SDK1: variants seen among roughly 807,000 people sequenced by gnomAD.
SDK1 encodes sidekick cell adhesion molecule 1, also known as protein sidekick-1.
A neutral mutation model predicts 245.5 loss-of-function variants in SDK1; 157 were observed. The ratio of observed to expected loss-of-function variants is 0.64; its 90% confidence interval spans 0.56 to 0.73. The LOEUF (loss-of-function observed/expected upper bound fraction) is 0.73. Among genes scored for constraint, SDK1 ranks in the 30% least tolerant of loss-of-function variants. The pLI, the probability that SDK1 is intolerant of heterozygous loss-of-function variation, is 0.00. For synonymous variants in SDK1, 1,647 were observed against 1,278.5 expected, an observed-to-expected ratio of 1.29 and a Z score of -6.15; for missense variants, 3,583 against 3,002.3, an observed-to-expected ratio of 1.19 and a Z score of -4.52.
At chr7:3,492,944 T>G (rs1781907900) in intron 1 of SDK1, among the ~76,000 whole-genome samples, 1 of 152,150 alleles carries the variant, frequency 6.6e-6, no homozygotes, top group African/African-American at 2.4e-5. Flanking sequence ...AAGATTTATT[T>G]TATTTTTTTA....
At chr7:3,907,302 C>T (rs967142985) in intron 5 of SDK1, among the ~76,000 whole-genome samples, 3 of 152,180 alleles carry the variant, frequency 2.0e-5, no homozygotes, top group Non-Finnish European at 2.9e-5. Context: ...CCTCCCCTTT[C>T]GCCACTGGTA....
chr7:3,737,799 A>C (rs1213160918), intron 4 of SDK1, among the ~76,000 whole-genome samples: 2 of 152,224 alleles, frequency 1.3e-5, no homozygotes, highest in East Asian at 3.9e-4. Flanking sequence ...TGTCCACCTT[A>C]GGCTCTCTTT....
At chr7:3,940,461 C>T (rs1240137998) in intron 5 of SDK1, among the ~76,000 whole-genome samples, 1 of 152,186 alleles carries the variant, frequency 6.6e-6, no homozygotes, top group South Asian at 2.1e-4. Context: ...AAGACAATAG[C>T]TTCCCGTTTT....
chr7:3,517,984 A>G (rs67540761), intron 1 of SDK1, among the ~76,000 whole-genome samples: 39,858 of 151,920 alleles, frequency 0.26, 5,424 homozygotes, highest in East Asian at 0.34. Flanking sequence ...CTCTCTCTTT[A>G]GTGGAGAAGC....
chr7:4,066,734 G>A (rs1341739056), intron 19 of SDK1, among the ~76,000 whole-genome samples: 1 of 152,164 alleles, frequency 6.6e-6, no homozygotes, highest in Admixed American at 6.5e-5. Context: ...GCTGGTGCAA[G>A]AGATGTGGGT....
At chr7:3,367,239 G>T (rs969164503) in intron 1 of SDK1, among the ~76,000 whole-genome samples, 3 of 151,772 alleles carry the variant, frequency 2.0e-5, no homozygotes, top group Admixed American at 6.6e-5. Flanking sequence ...ATTTGTCATC[G>T]TTGTAATTTC....
intron 5 of SDK1, among the ~76,000 whole-genome samples, chr7:3,857,483 G>A (rs1165354647): frequency 6.6e-6 from 1 of 152,012 alleles, no homozygotes; most frequent in Non-Finnish European, 1.5e-5. Flanking sequence ...AGGAGTTCAA[G>A]ACCAGCCTTG....
rs376271210 is a variant in SDK1 at position 4,064,305 on chromosome 7, C to T, written c.2912-3533C>T. Among the ~76,000 whole-genome samples, 106 of 152,158 alleles carry T rather than the reference C, an allele frequency of 7.0e-4. 2 individuals are homozygous for T. In the South Asian group the frequency reaches 0.018, roughly 26 times the overall value. On this transcript the variant is annotated intron_variant, in intron 19 of 44. Coordinates refer to ENST00000404826, the MANE Select transcript of SDK1 (RefSeq NM_152744.4). ...CAAAAGCAGACATACAGATGGTCAA[C>T]GTGTCTATGAAAAAATGCCCAGTAT...
intron 14 of SDK1, among the ~76,000 whole-genome samples, chr7:4,006,423 C>T (rs1285136684): frequency 6.6e-6 from 1 of 152,198 alleles, no homozygotes; most frequent in Non-Finnish European, 1.5e-5. Flanking sequence ...TCTTCTACCT[C>T]CCAGCCTCCA....
intron 44 of SDK1, among the ~76,000 whole-genome samples, chr7:4,248,046 C>T (rs1003938668): frequency 2.6e-5 from 4 of 152,242 alleles, no homozygotes; most frequent in Admixed American, 2.0e-4. Flanking sequence ...GTCTGTTTCT[C>T]CCCCCAACAT....
In SDK1 at chr7:4,000,226, G is replaced by C. The variant is rs139007094; in HGVS notation, c.2132-10740G>C. On this transcript the variant is annotated intron_variant, in intron 14 of 44. Transcript: ENST00000404826. ...GGAAGAGCATCTGTGAGCTTGACTA[G>C]AGCATGCTGAGGCTGAGATGATGTT... Among the ~76,000 whole-genome samples the C allele has an allele frequency of 7.2e-5, 11 of 152,334 alleles. 1 individual carries two copies. Among genetic ancestry groups the C allele is most frequent in the African/African-American group, 2.6e-4 (11 of 41,590 alleles).
chr7:3,568,561 T>C (rs988907791), intron 1 of SDK1, among the ~76,000 whole-genome samples: 4 of 152,234 alleles, frequency 2.6e-5, no homozygotes, highest in African/African-American at 9.6e-5. Flanking sequence ...TTGTGCTCTC[T>C]TCTGGGAAAT....
intron 1 of SDK1, among the ~76,000 whole-genome samples, chr7:3,469,657 C>T (rs868466700): frequency 2.0e-5 from 3 of 152,178 alleles, no homozygotes; most frequent in Non-Finnish European, 1.5e-5. Flanking sequence ...TTGTATTCTC[C>T]ATCTAACGTC....
intron 17 of SDK1, among the ~76,000 whole-genome samples, chr7:4,023,386 GTGAACTTTC>G (rs1787087164): frequency 6.6e-6 from 1 of 152,154 alleles, no homozygotes; most frequent in South Asian, 2.1e-4. Flanking sequence ...TTTCAGCCAA[GTGAACTTTC>G]TGAGGGGTGA....
At chr7:3,475,155 T>C (rs1433528033) in intron 1 of SDK1, among the ~76,000 whole-genome samples, 1 of 152,336 alleles carries the variant, frequency 6.6e-6, no homozygotes, top group East Asian at 1.9e-4. Flanking sequence ...CTCTCCCTTA[T>C]GTAGAAGCTG....
intron 1 of SDK1, among the ~76,000 whole-genome samples, chr7:3,435,273 G>T (rs1478127004): frequency 5.5e-5 from 8 of 144,934 alleles, no homozygotes; most frequent in Non-Finnish European, 9.0e-5. Flanking sequence ...ATTCCAGTGT[G>T]ATCACCAAAT....
At chr7:3,598,146 A>G (rs1045999005) in intron 1 of SDK1, among the ~76,000 whole-genome samples, 1 of 152,154 alleles carries the variant, frequency 6.6e-6, no homozygotes, top group African/African-American at 2.4e-5. Flanking sequence ...CTGATGTCAA[A>G]TGATGTTGAG....
chr7:3,982,005 G>A (rs886942980), intron 13 of SDK1, among the ~76,000 whole-genome samples: 1 of 152,190 alleles, frequency 6.6e-6, no homozygotes, highest in African/African-American at 2.4e-5. Context: ...CCTAGTTACG[G>A]AGGAGAAATC....
chr7:3,826,261 G>A (rs1779772480), intron 5 of SDK1, among the ~76,000 whole-genome samples: 1 of 152,176 alleles, frequency 6.6e-6, no homozygotes, highest in African/African-American at 2.4e-5. Context: ...TTAACCATCA[G>A]ACAGAAGAGA....
Sources: gnomAD v4.1 joint callset for allele counts (sites outside exome capture counted in the v4.1 genomes callset) on GRCh38, gnomAD v4.1.1 for gene constraint, MANE v1.5 for transcripts, NCBI Gene and HGNC (gene_info 2026-07-23, HGNC 2026-07-21) for gene names.